ARSG: variants seen among roughly 807,000 people sequenced by gnomAD.
The protein encoded by ARSG is arylsulfatase G.
Under a neutral mutation model 50.5 loss-of-function variants are expected in ARSG, and 37 were observed. That is an observed-to-expected ratio of 0.73 (90% CI 0.56 to 0.96). The LOEUF is 0.96. ARSG is among the 50% of genes least tolerant of loss of function. The pLI, the probability that ARSG is intolerant of heterozygous loss-of-function variation, is 0.00. For missense variants in ARSG, 629 were observed against 675.3 expected (o/e 0.93, Z 0.76); for synonymous variants, 225 against 254.6 (o/e 0.88, Z 1.11).
the ARSG span, among the ~76,000 whole-genome samples, chr17:68,449,717 A>C: frequency 6.6e-6 from 1 of 152,208 alleles, no homozygotes; most frequent in Non-Finnish European, 1.5e-5. Context: ...CCAGAAGCAG[A>C]TGCTGCCGTG....
At chr17:68,329,629 G>A (rs1411722848) in intron 2 of ARSG, among the ~76,000 whole-genome samples, 1 of 152,158 alleles carries the variant, frequency 6.6e-6, no homozygotes, top group Non-Finnish European at 1.5e-5. Context: ...GGCTGTGATG[G>A]AGGGCCTGTA....
In ARSG at chr17:68,420,333, G is replaced by T. The variant is rs772638398; in HGVS notation, c.1448G>T (p.Arg483Ile). Residue 483 changes from arginine (R) to isoleucine (I), a missense_variant, in exon 12 of 12, where the codon AGA (arginine) becomes ATA (isoleucine). Arg to Ile is a moderately conservative substitution (Grantham distance 97). Coordinates refer to ENST00000621439, the MANE Select transcript of ARSG (RefSeq NM_001267727.2). ...AEYQAVLPEV[R>I]KVLADVLQDI... ...TACCAGGCTGTGCTGCCCGAGGTCA[G>T]AAAGGTTCTTGCAGACGTCCTCCAA... 8 of 1,614,044 alleles carry T rather than the reference G, an allele frequency of 5.0e-6. No individual in the cohort carries two copies. Among genetic ancestry groups the T allele is most frequent in the Non-Finnish European group, 6.8e-6 (8 of 1,180,044 alleles).
the ARSG span, chr17:68,435,588 C>A: frequency 1.2e-6 from 2 of 1,609,156 alleles, no homozygotes; most frequent in Non-Finnish European, 1.7e-6. Flanking sequence ...CCAGCGAAAC[C>A]CAGACAGAGG....
chr17:68,436,532 A>G, the ARSG span: 282 of 1,553,388 alleles, frequency 1.8e-4, no homozygotes, highest in Non-Finnish European at 2.5e-4. Flanking sequence ...GAGAGATTGC[A>G]CGGCTGGAGA....
rs185842037 is a variant in ARSG, at chr17:68,260,170, G to C, written c.-552+744G>C. On this transcript the variant is annotated intron_variant, in intron 1 of 11. Transcript: ENST00000448504. ...GCATTAATAATGTGGAGATTATTTA[G>C]TCCATTTCATGCATGAGGACACAAG... Among the ~76,000 whole-genome samples the C allele has an allele frequency of 9.7e-4, 148 of 152,198 alleles. 2 individuals are homozygous for C. Among genetic ancestry groups the C allele is most frequent in the Non-Finnish European group, 1.7e-3 (113 of 67,992 alleles).
downstream of ARSG, among the ~76,000 whole-genome samples, chr17:68,425,390 T>C (rs934090664): frequency 9.9e-5 from 15 of 150,832 alleles, no homozygotes; most frequent in Non-Finnish European, 2.1e-4. Context: ...TTCTTTTTTT[T>C]TTTTTTTTTT....
chr17:68,446,460 G>T, the ARSG span, among the ~76,000 whole-genome samples: 1 of 152,124 alleles, frequency 6.6e-6, no homozygotes, highest in East Asian at 1.9e-4. Flanking sequence ...GGGATTACAA[G>T]CATGAGCTAC....
At chr17:68,352,572 C>T (rs931735280) in intron 5 of ARSG, among the ~76,000 whole-genome samples, 8 of 150,772 alleles carry the variant, frequency 5.3e-5, no homozygotes, top group African/African-American at 7.3e-5. Context: ...CGCAGTGGCG[C>T]GATCTCGGCT....
chr17:68,328,263 AT>A (rs146892551), intron 2 of ARSG, among the ~76,000 whole-genome samples: 2,757 of 152,204 alleles, frequency 0.018, 79 homozygotes, highest in African/African-American at 0.063. Context: ...CCTGCCATGA[AT>A]TTTAAAAACC....
chr17:68,316,584 C>T (rs2077078386), intron 2 of ARSG, among the ~76,000 whole-genome samples: 1 of 152,222 alleles, frequency 6.6e-6, no homozygotes, highest in Admixed American at 6.5e-5. Context: ...TGGTCTGTTA[C>T]TTGCTAGCTC....
chr17:68,429,124 T>C, the ARSG span, among the ~76,000 whole-genome samples: 9 of 152,322 alleles, frequency 5.9e-5, no homozygotes, highest in South Asian at 1.9e-3. Flanking sequence ...CTTTCAGGAT[T>C]ATTTCTTGTC....
At chr17:68,283,443 C>T (rs935530813) in intron 1 of ARSG, among the ~76,000 whole-genome samples, 21 of 151,550 alleles carry the variant, frequency 1.4e-4, no homozygotes, top group Admixed American at 3.9e-4. Flanking sequence ...ATGGCGTGAA[C>T]CCGGGAGGCG....
intron 9 of ARSG, among the ~76,000 whole-genome samples, chr17:68,387,375 C>T (rs567971188): frequency 2.0e-5 from 3 of 152,282 alleles, no homozygotes; most frequent in Non-Finnish European, 2.9e-5. Context: ...GCACTCTTCC[C>T]TCCTGGGCCT....
intron 1 of ARSG, chr17:68,278,274 G>T: frequency 6.2e-7 from 1 of 1,614,174 alleles, no homozygotes; most frequent in East Asian, 2.2e-5. Flanking sequence ...AGGCACTTCA[G>T]TATACACATT....
At chr17:68,339,447 A>G (rs1160794389) in intron 2 of ARSG, among the ~76,000 whole-genome samples, 1 of 152,228 alleles carries the variant, frequency 6.6e-6, no homozygotes, top group Non-Finnish European at 1.5e-5. Flanking sequence ...AATTCCCTTA[A>G]TTATCCTCAA....
chr17:68,274,165 T>C, intron 1 of ARSG: 3 of 1,339,310 alleles, frequency 2.2e-6, no homozygotes, highest in Non-Finnish European at 3.1e-6. Context: ...CATGGAGAGA[T>C]GATGTCGAAT....
chr17:68,272,631 C>T, intron 1 of ARSG: 3 of 1,613,548 alleles, frequency 1.9e-6, no homozygotes, highest in Non-Finnish European at 2.5e-6. Flanking sequence ...CTGTTGTAGT[C>T]CACCTACCTG....
intron 3 of ARSG, 22 bp from the exon 4 acceptor site, chr17:68,347,103 T>C: frequency 1.2e-6 from 2 of 1,613,300 alleles, no homozygotes; most frequent in Non-Finnish European, 1.7e-6. Flanking sequence ...CCTCTGAAAA[T>C]CTCTCTTATG....
At chr17:68,273,746 G>A (rs2075418834) in intron 1 of ARSG, 5 of 595,772 alleles carry the variant, frequency 8.4e-6, no homozygotes, top group Non-Finnish European at 1.4e-5. Flanking sequence ...CTTGAGAACA[G>A]ATTCCCAGGT....
Sources: gnomAD v4.1 joint callset for allele counts (sites outside exome capture counted in the v4.1 genomes callset) on GRCh38, gnomAD v4.1.1 for gene constraint, MANE v1.5 for transcripts, NCBI Gene and HGNC (gene_info 2026-07-23, HGNC 2026-07-21) for gene names.